WDR25: variants seen among roughly 807,000 people sequenced by gnomAD.
WDR25 encodes the protein WD repeat-containing protein 25.
In WDR25, 35 loss-of-function variants were observed where a neutral mutation model predicts 47.7. The ratio of observed to expected loss-of-function variants is 0.73; its 90% confidence interval spans 0.56 to 0.97. The LOEUF (loss-of-function observed/expected upper bound fraction) is 0.97. Among genes scored for constraint, WDR25 ranks in the 50% least tolerant of loss-of-function variants. The pLI is 0.00. For synonymous variants in WDR25, 248 were observed against 278.9 expected, an observed-to-expected ratio of 0.89 and a Z score of 1.10; for missense variants, 634 against 704.7, an observed-to-expected ratio of 0.90 and a Z score of 1.14.
At chr14:100,411,098 T>C (rs1251618773) in intron 2 of WDR25, among the ~76,000 whole-genome samples, 3 of 152,178 alleles carry the variant, frequency 2.0e-5, no homozygotes, top group African/African-American at 4.8e-5. Flanking sequence ...GATCTTTTGA[T>C]ACTTTGTCCA....
intron 2 of WDR25, among the ~76,000 whole-genome samples, chr14:100,417,391 G>A (rs377685173): frequency 9.2e-5 from 14 of 152,372 alleles, no homozygotes; most frequent in East Asian, 7.7e-4. Context: ...TCAGATCCAA[G>A]GTGGTCAGGC....
chr14:100,511,232 T>C lies in WDR25; in HGVS notation c.1102-14638T>C, dbSNP rs147380958. 1.4e-3 allele frequency among the ~76,000 whole-genome samples: 206 copies of C among 152,346 alleles called. 3 individuals carry two copies. The highest frequency in any genetic ancestry group is 2.5e-3 in the Non-Finnish European group (168 of 68,030). ...CCAATGTTTTGTAGTTTTCATAGTG[T>C]AGGTCTTTCACATTTTTTTGTCAGA... On this transcript the variant is annotated intron_variant, in intron 4 of 6. Transcript: ENST00000402312.
At position 100,523,185 on chromosome 14, in the gene WDR25, C is replaced by T. The variant is rs2029945313; in HGVS notation, c.1102-2685C>T. Among the ~76,000 whole-genome samples the T allele has an allele frequency of 6.6e-6, 1 of 152,228 alleles. No individual in the cohort carries two copies. Among genetic ancestry groups the T allele is most frequent in the Non-Finnish European group, 1.5e-5 (1 of 68,040 alleles). On this transcript the variant is annotated intron_variant, in intron 4 of 6. Transcript: ENST00000402312. The surrounding 1 kb of genome is among the most constrained non-coding windows in gnomAD (Gnocchi z 4.7). ...TTCATTTATGCATTTACTCACTTATCCAGCATCAATTTGACACACCTTACT... is the reference window on the plus strand; with the variant it reads ...TTCATTTATGCATTTACTCACTTATTCAGCATCAATTTGACACACCTTACT...
rs188115006 is a variant in WDR25 at position 100,407,404 on chromosome 14, T to A, written c.822+25658T>A. 14 of 152,310 alleles carry A rather than the reference T, an allele frequency of 9.2e-5. No homozygotes were observed. The highest frequency in any genetic ancestry group is 3.4e-4 in the African/African-American group (14 of 41,544). 9.4% of individuals were successfully genotyped at this position (152,310 alleles called of 1,614,324 possible). On this transcript the variant is annotated intron_variant, in intron 2 of 6. Transcript: ENST00000402312. The surrounding 1 kb of genome is among the most constrained non-coding windows in gnomAD (Gnocchi z 4.1). ...ATCCATCTTCCCAACTCAGGTGAGA[T>A]GGGGACTAGAAAGTCGGTCTGGCTG...
chr14:100,448,758 G>A (rs1898924347), intron 2 of WDR25, among the ~76,000 whole-genome samples: 1 of 152,110 alleles, frequency 6.6e-6, no homozygotes, highest in Non-Finnish European at 1.5e-5. Context: ...ACAGGGCAAT[G>A]ACTGGAGGTG....
intron 2 of WDR25, among the ~76,000 whole-genome samples, chr14:100,412,042 C>T (rs1243266372): frequency 1.3e-5 from 2 of 151,886 alleles, no homozygotes; most frequent in South Asian, 2.1e-4. Flanking sequence ...CCCATCTCTA[C>T]AAAAAATAGA....
chr14:100,398,392 C>G (rs1365764233), intron 2 of WDR25, among the ~76,000 whole-genome samples: 1 of 152,046 alleles, frequency 6.6e-6, no homozygotes, highest in African/African-American at 2.4e-5. Context: ...TAGTTAAGCC[C>G]TATCGGAGCA....
At position 100,381,339 on chromosome 14, in the gene WDR25, C is replaced by G; in HGVS notation, c.415C>G (p.Leu139Val). Reference sequence around the variant, plus strand: ...AGCTGCCCGCTTTAAGCAAGTAAAACTCTCCAGGAACTTTCCCAAGTCATC... The same window carrying G: ...AGCTGCCCGCTTTAAGCAAGTAAAAGTCTCCAGGAACTTTCCCAAGTCATC... The part of the protein sequence containing the change: ...LAAARFKQVK[L>V]SRNFPKSSFH... Residue 139 changes from leucine to valine, a missense_variant, in exon 2 of 7, where the codon CTC becomes GTC. Transcript: ENST00000402312. The G allele has an allele frequency of 6.2e-7, 1 of 1,614,240 alleles. No homozygotes were observed. The highest frequency in any genetic ancestry group is 8.5e-7 in the Non-Finnish European group (1 of 1,180,034).
intron 2 of WDR25, among the ~76,000 whole-genome samples, chr14:100,466,719 C>T (rs958051859): frequency 6.6e-6 from 1 of 152,230 alleles, no homozygotes; most frequent in South Asian, 2.1e-4. Context: ...CGTTCTGACT[C>T]CCACACGCTG....
At chr14:100,490,612 G>A (rs565219912) in intron 4 of WDR25, among the ~76,000 whole-genome samples, 4 of 152,320 alleles carry the variant, frequency 2.6e-5, no homozygotes, top group Non-Finnish European at 5.9e-5. Flanking sequence ...CCAGGTTTTT[G>A]AAAACTCTGC....
chr14:100,408,103 G>T (rs1897597007), intron 2 of WDR25, among the ~76,000 whole-genome samples: 1 of 152,132 alleles, frequency 6.6e-6, no homozygotes, highest in African/African-American at 2.4e-5. Context: ...AGGGATGTGG[G>T]TAAATCTGGA....
intron 4 of WDR25, among the ~76,000 whole-genome samples, chr14:100,504,114 A>C (rs1007653619): frequency 2.0e-5 from 3 of 152,344 alleles, no homozygotes; most frequent in Non-Finnish European, 2.9e-5. Context: ...ATTTTGAAGC[A>C]AATCCCAGAC....
intron 2 of WDR25, among the ~76,000 whole-genome samples, chr14:100,412,115 G>A (rs1271662502): frequency 6.6e-6 from 1 of 151,238 alleles, no homozygotes; most frequent in Non-Finnish European, 1.5e-5. Context: ...GCTGAGGTGG[G>A]AGGATCACTC....
At chr14:100,451,035 C>T (rs1212911) in intron 2 of WDR25, among the ~76,000 whole-genome samples, 43,921 of 151,994 alleles carry the variant, frequency 0.29, 6,855 homozygotes, top group East Asian at 0.52. Flanking sequence ...AGCTGGGAGA[C>T]TAGAGGTGCC....
At position 100,471,362 on chromosome 14, in the gene WDR25, G is replaced by A. The variant is rs80212414; in HGVS notation, c.970+3194G>A. Among the ~76,000 whole-genome samples, 63 of 152,300 alleles carry A rather than the reference G, an allele frequency of 4.1e-4. 1 individual carries two copies. The East Asian group carries it at 9.3e-3, about 22-fold the overall frequency. The stretch of plus-strand genomic sequence containing the variant: ...CATCAGGGACTGCCAGGGCTGGTCG[G>A]GGGGCCTCCACCTATGTCTCCCCCT... On this transcript the variant is annotated intron_variant, in intron 3 of 6. Transcript: ENST00000402312.
chr14:100,379,380 CT>C (rs1187549473), intron 1 of WDR25, among the ~76,000 whole-genome samples: 4 of 143,524 alleles, frequency 2.8e-5, no homozygotes, highest in African/African-American at 5.1e-5. Context: ...TTCAGGTCTT[CT>C]TTTTTTTTCT....
chr14:100,529,023 T>G lies in WDR25; in HGVS notation c.1273-45T>G, dbSNP rs764135135. 7.3e-6 allele frequency: 11 copies of G among 1,499,640 alleles called. No individual in the cohort carries two copies. The East Asian group carries it at 2.1e-4, about 29-fold the overall frequency. The allele number at this position is 1,499,640 out of a possible 1,614,324, so 92.9% of individuals were successfully genotyped here. On this transcript the variant is annotated intron_variant, in intron 5 of 6. Transcript: ENST00000402312. This position sits in a 1 kb window ranked among gnomAD's most constrained non-coding sequence, Gnocchi z 5.1. ...CCAGGCCCCAGAGCAGAGTGCCAGG[T>G]TGGGGGTGTCTTCTCTGACCCATTT...
rs760109416 is a variant in WDR25, at chr14:100,529,979, C to T, written c.1573C>T (p.Pro525Ser). The T allele has an allele frequency of 6.2e-7, 1 of 1,613,334 alleles. No individual in the cohort carries two copies. The highest frequency in any genetic ancestry group is 8.5e-7 in the Non-Finnish European group (1 of 1,179,988). Residue 525 changes from proline to serine, a missense_variant, in exon 7 of 7, where the codon CCC becomes TCC. Physicochemically the swap from Pro to Ser is moderately conservative, Grantham distance 74 (BLOSUM62 -1). Coordinates refer to ENST00000402312, the MANE Select transcript of WDR25 (RefSeq NM_001161476.3). The surrounding 1 kb of genome is among the most constrained non-coding windows in gnomAD (Gnocchi z 5.1). Reference sequence around the variant, plus strand: ...GGCCTGTGTCGGCACCACCTATCACCCCGTGCTGCCCTCCGTCCTCGCCAC... The same window carrying T: ...GGCCTGTGTCGGCACCACCTATCACTCCGTGCTGCCCTCCGTCCTCGCCAC... ...TQACVGTTYH[P>S]VLPSVLATCS... is the part of the protein sequence containing the mutation.
chr14:100,422,523 A>T (rs971690348), intron 2 of WDR25, among the ~76,000 whole-genome samples: 1 of 152,186 alleles, frequency 6.6e-6, no homozygotes, highest in Non-Finnish European at 1.5e-5. Context: ...ACCTGTTTTC[A>T]TACTGGCATT....
Sources: allele counts gnomAD v4.1 joint callset (sites outside exome capture counted in the v4.1 genomes callset), GRCh38; gene constraint gnomAD v4.1.1; non-coding constraint Gnocchi (gnomAD v3.1); transcripts MANE v1.5; gene names NCBI Gene and HGNC (gene_info 2026-07-23, HGNC 2026-07-21).